Variants in PPARGC1A observed in about 807,000 individuals in gnomAD.
The protein encoded by PPARGC1A is PPARG coactivator 1 alpha, also known as peroxisome proliferator-activated receptor gamma coactivator 1-alpha.
PPARGC1A carries 25 observed loss-of-function variants against 88.7 expected under a neutral mutation model. The observed-to-expected ratio is 0.28, with a 90% confidence interval of 0.21 to 0.39. The LOEUF (loss-of-function observed/expected upper bound fraction) is 0.39. Among genes scored for constraint, PPARGC1A ranks in the 10% least tolerant of loss-of-function variants. The probability of loss-of-function intolerance (pLI) is 1.00; values close to 1 mark genes in which losing one functional copy is unlikely to be tolerated. For synonymous variants in PPARGC1A, 363 were observed against 355.6 expected (o/e 1.02, Z -0.24); for missense variants, 880 against 968.7 (o/e 0.91, Z 1.22).
At chr4:24,444,096 G>T in the PPARGC1A span, among the ~76,000 whole-genome samples, 8 of 151,712 alleles carry the variant, frequency 5.3e-5, no homozygotes, top group Non-Finnish European at 1.2e-4. Flanking sequence ...GGAGTGCAGT[G>T]ACACAATATA....
the PPARGC1A span, among the ~76,000 whole-genome samples, chr4:24,172,021 C>T: frequency 9.9e-4 from 151 of 152,284 alleles, 1 homozygote; most frequent in African/African-American, 3.6e-3. Flanking sequence ...CAGGCACTAT[C>T]TTACCATTGT....
Position 23,828,492 on chromosome 4 carries a change from T to A in PPARGC1A, c.665A>T (p.His222Leu). ...KYLTTNDDPPHTKPTENRNSS... is the reference protein window; with the variant it reads ...KYLTTNDDPPLTKPTENRNSS... The stretch of plus-strand genomic sequence containing the variant: ...GTTTCTGTTCTCTGTGGGTTTGGTG[T>A]GAGGAGGGTCATCGTTTGTGGTCAG... The change falls in exon 5 of 13, where the codon CAC (histidine) becomes CTC (leucine). Residue 222 changes from histidine to leucine, a missense_variant. Physicochemically the swap from His to Leu is moderately conservative, Grantham distance 99. Transcript: ENST00000264867. The A allele has an allele frequency of 1.2e-6, 2 of 1,614,138 alleles. No homozygotes were observed. The highest frequency in any genetic ancestry group is 1.7e-6 in the Non-Finnish European group (2 of 1,179,996).
the PPARGC1A span, among the ~76,000 whole-genome samples, chr4:24,468,031 C>T: frequency 6.6e-6 from 1 of 152,156 alleles, no homozygotes; most frequent in African/African-American, 2.4e-5. Context: ...CATGGACACT[C>T]GAGCAGTCAG....
chr4:24,127,103 G>A, the PPARGC1A span, among the ~76,000 whole-genome samples: 3 of 152,128 alleles, frequency 2.0e-5, no homozygotes, highest in Non-Finnish European at 4.4e-5. Context: ...AATTAAAAGA[G>A]GGGATGAGCC....
At chr4:24,367,237 C>T in the PPARGC1A span, among the ~76,000 whole-genome samples, 1 of 152,116 alleles carries the variant, frequency 6.6e-6, no homozygotes, top group African/African-American at 2.4e-5. Context: ...AGGAAAATCA[C>T]AGAGGAAGAG....
the PPARGC1A span, among the ~76,000 whole-genome samples, chr4:24,331,914 C>T: frequency 6.6e-6 from 1 of 151,980 alleles, no homozygotes; most frequent in African/African-American, 2.4e-5. Context: ...AGGTATTTGT[C>T]CTAATGCTCT....
chr4:24,318,539 A>T, the PPARGC1A span, among the ~76,000 whole-genome samples: 1 of 152,246 alleles, frequency 6.6e-6, no homozygotes, highest in Admixed American at 6.5e-5. Flanking sequence ...AAAGAAAGCT[A>T]TAAGCATTCC....
At chr4:24,378,770 A>C in the PPARGC1A span, among the ~76,000 whole-genome samples, 10 of 152,212 alleles carry the variant, frequency 6.6e-5, no homozygotes, top group Non-Finnish European at 1.3e-4. Flanking sequence ...TAGTTACATA[A>C]AAAGCTATAT....
At chr4:24,175,538 CTTTT>C in the PPARGC1A span, among the ~76,000 whole-genome samples, 5 of 84,878 alleles carry the variant, frequency 5.9e-5, no homozygotes, top group African/African-American at 2.0e-4. Flanking sequence ...CCACACCAAG[CTTTT>C]TTTTTTTTTT....
At chr4:24,108,853 G>A in the PPARGC1A span, among the ~76,000 whole-genome samples, 1 of 151,516 alleles carries the variant, frequency 6.6e-6, no homozygotes, top group Admixed American at 6.6e-5. Flanking sequence ...GCTAAACTTA[G>A]GGGAAAAAAA....
intron 2 of PPARGC1A, among the ~76,000 whole-genome samples, chr4:23,871,634 G>T (rs1713393506): frequency 6.6e-6 from 1 of 152,148 alleles, no homozygotes; most frequent in South Asian, 2.1e-4. Context: ...TATCTGGAGA[G>T]AATCTGGGTT....
the PPARGC1A span, among the ~76,000 whole-genome samples, chr4:24,024,182 A>G: frequency 6.6e-6 from 1 of 152,192 alleles, no homozygotes; most frequent in Admixed American, 6.5e-5. Context: ...TGATCCTGCC[A>G]GGATTAGCAT....
the PPARGC1A span, among the ~76,000 whole-genome samples, chr4:23,951,078 C>T: frequency 1.3e-5 from 2 of 152,088 alleles, no homozygotes; most frequent in African/African-American, 4.8e-5. Context: ...CATGCCAGAG[C>T]CTGCACACTC....
the PPARGC1A span, among the ~76,000 whole-genome samples, chr4:24,438,035 T>G: frequency 1.3e-5 from 2 of 152,058 alleles, no homozygotes; most frequent in African/African-American, 4.8e-5. Flanking sequence ...GATGAATAAC[T>G]GCAAGGAGCA....
the PPARGC1A span, among the ~76,000 whole-genome samples, chr4:24,059,786 T>G: frequency 1.3e-5 from 2 of 152,168 alleles, no homozygotes; most frequent in Non-Finnish European, 2.9e-5. Flanking sequence ...GAGTCCCAGC[T>G]TTTTTCCACC....
chr4:24,135,599 G>A, the PPARGC1A span, among the ~76,000 whole-genome samples: 1 of 152,110 alleles, frequency 6.6e-6, no homozygotes, highest in Admixed American at 6.5e-5. Context: ...TTGACTCCCT[G>A]TTCTCCTCCC....
At chr4:23,897,904 G>C (rs753239884) in intron 1 of PPARGC1A, among the ~76,000 whole-genome samples, 2 of 152,182 alleles carry the variant, frequency 1.3e-5, no homozygotes, top group South Asian at 4.1e-4. Context: ...ATGTAAGACC[G>C]AGTCCCTGCA....
At chr4:23,947,414 A>G in the PPARGC1A span, among the ~76,000 whole-genome samples, 2 of 139,126 alleles carry the variant, frequency 1.4e-5, no homozygotes, top group South Asian at 4.7e-4. Context: ...ACGGTGATGG[A>G]GAAAATGGAG....
At chr4:24,377,232 A>T in the PPARGC1A span, among the ~76,000 whole-genome samples, 29,289 of 151,992 alleles carry the variant, frequency 0.19, 2,975 homozygotes, top group Middle Eastern at 0.33. Flanking sequence ...ATTTTATCAC[A>T]CTTTGAGTAT....
Sources: gnomAD v4.1 joint callset for allele counts (sites outside exome capture counted in the v4.1 genomes callset) on GRCh38, gnomAD v4.1.1 for gene constraint, MANE v1.5 for transcripts, NCBI Gene and HGNC (gene_info 2026-07-23, HGNC 2026-07-21) for gene names.